NCAM1: variants seen among roughly 807,000 people sequenced by gnomAD.
NCAM1 encodes antigen recognized by monoclonal antibody 5.1H11.
In NCAM1, 14 loss-of-function variants were observed where a neutral mutation model predicts 109.8. That is an observed-to-expected ratio of 0.13 (90% confidence interval 0.08 to 0.20). NCAM1 has a LOEUF of 0.20. Among genes scored for constraint, NCAM1 ranks in the 10% least tolerant of loss-of-function variants. The pLI is 1.00. For missense variants in NCAM1, 774 were observed against 1,109.9 expected (o/e 0.70, Z 4.30); for synonymous variants, 418 against 442.9 (o/e 0.94, Z 0.70).
At position 113,274,184 on chromosome 11, in the gene NCAM1, G is replaced by A. The variant is rs897094921; in HGVS notation, c.2457-1083G>A. Among the ~76,000 whole-genome samples the A allele has an allele frequency of 3.9e-5, 6 of 152,112 alleles. No individual in the cohort carries two copies. The highest frequency in any genetic ancestry group is 4.1e-4 in the South Asian group (2 of 4,828). On this transcript the variant is annotated intron_variant, in intron 19 of 19. Coordinates refer to ENST00000316851, the MANE Select transcript of NCAM1 (RefSeq NM_181351.5). This position sits in a 1 kb window ranked among gnomAD's most constrained non-coding sequence, Gnocchi z 4.1. ...AAGAAAAGAGGTAGGCCCCAGGCCC[G>A]TGGCAGGGGAGGGTGCAGTTCAGAG...
chr11:113,101,484 A>G (rs1017068078), intron 1 of NCAM1, among the ~76,000 whole-genome samples: 1 of 151,980 alleles, frequency 6.6e-6, no homozygotes, highest in African/African-American at 2.4e-5. Flanking sequence ...TTATGGTTGC[A>G]TTGTGTATTG....
At chr11:113,223,923 A>G (rs1944758336) in intron 9 of NCAM1, among the ~76,000 whole-genome samples, 1 of 152,192 alleles carries the variant, frequency 6.6e-6, no homozygotes. Flanking sequence ...CTTGTGTATG[A>G]TGTATGAAAA....
At chr11:113,004,646 T>C (rs1951848023) in intron 1 of NCAM1, among the ~76,000 whole-genome samples, 1 of 152,136 alleles carries the variant, frequency 6.6e-6, no homozygotes, top group Non-Finnish European at 1.5e-5. Flanking sequence ...TGTACCCTAT[T>C]TTCCACTCAG....
intron 1 of NCAM1, among the ~76,000 whole-genome samples, chr11:113,192,916 AG>A (rs1361834870): frequency 6.6e-6 from 1 of 152,168 alleles, no homozygotes; most frequent in Non-Finnish European, 1.5e-5. Context: ...AAGATGGAAA[AG>A]TTGTGCTTAT....
Position 113,273,089 on chromosome 11 carries a change from C to T in NCAM1, c.2456+1213C>T. Reference sequence around the variant, plus strand: ...TGACCTCCAGTATTGCCCCGCCGGCCACGGCCACGCCTGACTCAAACTCTG... The same window carrying T: ...TGACCTCCAGTATTGCCCCGCCGGCTACGGCCACGCCTGACTCAAACTCTG... On this transcript the variant is annotated intron_variant, in intron 19 of 19. Transcript: ENST00000316851. This position sits in a 1 kb window ranked among gnomAD's most constrained non-coding sequence, Gnocchi z 6.0. The T allele has an allele frequency of 2.2e-6, 1 of 456,678 alleles. No homozygotes were observed. Among genetic ancestry groups the T allele is most frequent in the Non-Finnish European group, 4.4e-6 (1 of 226,872 alleles). The allele number at this position is 456,678 out of a possible 1,614,324, so 28.3% of individuals were successfully genotyped here.
intron 1 of NCAM1, among the ~76,000 whole-genome samples, chr11:113,060,658 C>G (rs1248334343): frequency 6.6e-6 from 1 of 152,180 alleles, no homozygotes; most frequent in Non-Finnish European, 1.5e-5. Context: ...CCATTGCTTC[C>G]TGTCCAAAAC....
At chr11:113,055,997 AT>A (rs1209645353) in intron 1 of NCAM1, among the ~76,000 whole-genome samples, 1 of 112,094 alleles carries the variant, frequency 8.9e-6, no homozygotes, top group South Asian at 2.8e-4. Context: ...ATATATATAT[AT>A]ATATATATAT....
At chr11:113,058,986 C>T (rs1470476487) in intron 1 of NCAM1, among the ~76,000 whole-genome samples, 1 of 152,222 alleles carries the variant, frequency 6.6e-6, no homozygotes, top group Non-Finnish European at 1.5e-5. Context: ...CTTGGTTCTC[C>T]ATGTATTTCA....
At chr11:112,979,131 G>C (rs1421579817) in intron 1 of NCAM1, among the ~76,000 whole-genome samples, 3 of 151,556 alleles carry the variant, frequency 2.0e-5, no homozygotes, top group Non-Finnish European at 3.0e-5. Flanking sequence ...CATAGACTTT[G>C]AGTGTGTGTT....
intron 1 of NCAM1, among the ~76,000 whole-genome samples, chr11:112,994,757 C>T (rs1476941571): frequency 4.6e-5 from 7 of 152,114 alleles, no homozygotes; most frequent in African/African-American, 1.7e-4. Flanking sequence ...AGCTGTAGGT[C>T]CCCCAAAGAT....
In NCAM1 at chr11:112,962,987, AC is replaced by A. The variant is rs1426595453; in HGVS notation, c.52+1324del. Among the ~76,000 whole-genome samples, 1 of 152,042 alleles carries A rather than the reference AC, an allele frequency of 6.6e-6. No homozygotes were observed. Among genetic ancestry groups the A allele is most frequent in the Non-Finnish European group, 1.5e-5 (1 of 67,968 alleles). ...CGGCCGACCCCCGGTTGGGGAGCGC[AC>A]GGGGCGGGCCAGGGAGCACCCAGTG... On this transcript the variant is annotated intron_variant, in intron 1 of 19. Coordinates refer to ENST00000316851, the MANE Select transcript of NCAM1 (RefSeq NM_181351.5). This position sits in a 1 kb window ranked among gnomAD's most constrained non-coding sequence, Gnocchi z 5.6.
chr11:112,996,713 C>T (rs1356914318), intron 1 of NCAM1, among the ~76,000 whole-genome samples: 2 of 152,116 alleles, frequency 1.3e-5, no homozygotes, highest in Non-Finnish European at 2.9e-5. Flanking sequence ...GGCATTTTCT[C>T]CTGTAATGAT....
chr11:113,193,665 AAAAGAAAGAGAGAAAC>A (rs1236149506), intron 1 of NCAM1, among the ~76,000 whole-genome samples: 5 of 152,140 alleles, frequency 3.3e-5, no homozygotes, highest in African/African-American at 1.2e-4. Context: ...GAAAAAGAAA[AAAAGAAAGAGAGAAAC>A]AGAGAAAGAG....
chr11:113,115,003 A>C (rs1591338112), intron 1 of NCAM1, among the ~76,000 whole-genome samples: 2 of 152,348 alleles, frequency 1.3e-5, no homozygotes, highest in East Asian at 3.9e-4. Context: ...TCAAAAATTC[A>C]GAAAAGACCG....
intron 17 of NCAM1, chr11:113,264,536 T>A: frequency 1.0e-6 from 1 of 985,548 alleles, no homozygotes; most frequent in Non-Finnish European, 1.2e-6. Flanking sequence ...GGGCAGAGCA[T>A]AAGGATCCCA....
In NCAM1 at chr11:113,028,814, A is replaced by G. The variant is rs117250156; in HGVS notation, c.52+67150A>G. Among the ~76,000 whole-genome samples, 339 of 152,322 alleles carry G rather than the reference A, an allele frequency of 2.2e-3. 6 individuals carry two copies. The highest frequency in any genetic ancestry group is 0.016 in the East Asian group (83 of 5,186). ...CATAACAGTTGCTCAGAGAGTATTT[A>G]CTTTACATCCACTTTTATTTTTCCT... On this transcript the variant is annotated intron_variant, in intron 1 of 19. Transcript: ENST00000316851.
chr11:113,052,918 C>T (rs575062295), intron 1 of NCAM1, among the ~76,000 whole-genome samples: 7 of 152,112 alleles, frequency 4.6e-5, no homozygotes, highest in Non-Finnish European at 1.0e-4. Context: ...CTTTGGAGGG[C>T]TCCCAGGGAA....
intron 14 of NCAM1, among the ~76,000 whole-genome samples, chr11:113,239,818 A>G (rs1945274526): frequency 6.6e-6 from 1 of 152,224 alleles, no homozygotes; most frequent in Admixed American, 6.5e-5. Context: ...CACTGTACTC[A>G]TGGTTTAATG....
intron 1 of NCAM1, among the ~76,000 whole-genome samples, chr11:113,168,716 C>T (rs1415167801): frequency 2.0e-5 from 3 of 152,126 alleles, no homozygotes; most frequent in African/African-American, 4.8e-5. Context: ...AATTGCAGAG[C>T]AATTTGATCC....
Sources: allele counts gnomAD v4.1 joint callset (sites outside exome capture counted in the v4.1 genomes callset), GRCh38; gene constraint gnomAD v4.1.1; non-coding constraint Gnocchi (gnomAD v3.1); transcripts MANE v1.5; gene names NCBI Gene and HGNC (gene_info 2026-07-23, HGNC 2026-07-21).